Variants in TMEM183A observed in about 807,000 individuals in gnomAD.
TMEM183A encodes transmembrane protein 183A.
In TMEM183A, 21 loss-of-function variants were observed where a neutral mutation model predicts 46.7. The ratio of observed to expected loss-of-function variants is 0.45; its 90% CI spans 0.32 to 0.65. The LOEUF (loss-of-function observed/expected upper bound fraction) is 0.65, where lower values mean the gene tolerates loss of function less well. Ranked by LOEUF, TMEM183A falls within the 30% of genes least tolerant of loss-of-function variation. The probability of loss-of-function intolerance (pLI) is 0.04; values close to 1 mark genes in which losing one functional copy is unlikely to be tolerated. For synonymous variants in TMEM183A, 165 were observed against 180.2 expected, an observed-to-expected ratio of 0.92 and a Z score of 0.68; for missense variants, 331 against 481.9, an observed-to-expected ratio of 0.69 and a Z score of 2.93.
At position 203,014,749 on chromosome 1, in the gene TMEM183A, A is replaced by G. The variant is rs527740297; in HGVS notation, c.368-140A>G. 3.0e-4 allele frequency: 383 copies of G among 1,267,524 alleles called. 12 individuals carry two copies. The South Asian group carries it at 5.9e-3, about 19-fold the overall frequency. 78.5% of individuals were successfully genotyped at this position (1,267,524 alleles called of 1,614,324 possible). Reference sequence around the variant, plus strand: ...TTCCAGCAGCTAGGATGAGCAGGAAATGATAAGTTTGAGGGGTTTCCTTGG... The same window carrying G: ...TTCCAGCAGCTAGGATGAGCAGGAAGTGATAAGTTTGAGGGGTTTCCTTGG... On this transcript the variant is annotated intron_variant, in intron 3 of 7. Coordinates refer to ENST00000367242, the MANE Select transcript of TMEM183A (RefSeq NM_138391.6).
chr1:203,023,231 T>C lies in TMEM183A; in HGVS notation c.*191T>C. 5 of 588,720 alleles carry C rather than the reference T, an allele frequency of 8.5e-6. No homozygotes were observed. Among genetic ancestry groups the C allele is most frequent in the Non-Finnish European group, 1.3e-5 (5 of 379,036 alleles). The allele number at this position is 588,720 out of a possible 1,614,324, so 36.5% of individuals were successfully genotyped here. ...ACAACTACTATGATTTATAAACATA[T>C]TTTAATGTAAAAATTTGCATTTAAA... On this transcript the variant is annotated 3_prime_UTR_variant, in exon 8 of 8. Transcript: ENST00000367242.
intron 4 of TMEM183A, 164 bp from the exon 5 acceptor site, chr1:203,015,796 A>C (rs952147351): frequency 3.7e-6 from 3 of 803,576 alleles, no homozygotes; most frequent in Middle Eastern, 2.4e-4. Context: ...TACAAGGCAA[A>C]GACGTAAAAG....
rs1419271733 is a variant in TMEM183A at position 203,024,553 on chromosome 1, C to CA, written c.*1514dup. On this transcript the variant is annotated 3_prime_UTR_variant, in exon 8 of 8. Coordinates refer to ENST00000367242, the MANE Select transcript of TMEM183A (RefSeq NM_138391.6). Reference sequence around the variant, plus strand: ...AGCATCTGCTTAATTTTGCTGCTAACAGCTAACCTTATCCCACGTTGAGGG... The same window carrying CA: ...AGCATCTGCTTAATTTTGCTGCTAACAAGCTAACCTTATCCCACGTTGAGGG... The CA allele has an allele frequency of 6.7e-6, 1 of 150,232 alleles. No homozygotes were observed. The highest frequency in any genetic ancestry group is 1.5e-5 in the Non-Finnish European group (1 of 67,770). The allele number at this position is 150,232 out of a possible 1,614,324, so 9.3% of individuals were successfully genotyped here. A position where few individuals can be genotyped will look rare whatever the true frequency, so the allele number is the denominator to read the frequency against.
At position 203,024,747 on chromosome 1, in the gene TMEM183A, C is replaced by T. The variant is rs1158680595; in HGVS notation, c.*1707C>T. The T allele has an allele frequency of 6.6e-6, 1 of 152,178 alleles. No individual in the cohort carries two copies. Among genetic ancestry groups the T allele is most frequent in the African/African-American group, 2.4e-5 (1 of 41,428 alleles). The allele number at this position is 152,178 out of a possible 1,614,324, so 9.4% of individuals were successfully genotyped here. ...AGAAGCACAGTCCCTGCCAGGTTGC[C>T]TGAACTAAAGATGCCATGGAGCAGG... is the stretch of plus-strand genomic sequence containing the variant. On this transcript the variant is annotated 3_prime_UTR_variant, in exon 8 of 8. Coordinates refer to ENST00000367242, the MANE Select transcript of TMEM183A (RefSeq NM_138391.6).
intron 5 of TMEM183A, chr1:203,017,834 T>A (rs1657312330): frequency 1.0e-6 from 1 of 985,758 alleles, no homozygotes; most frequent in African/African-American, 1.7e-5. Context: ...GCCCATTAAT[T>A]TTGATGGAAC....
chr1:203,018,677 A>G, intron 6 of TMEM183A, 116 bp downstream of exon 6: 1 of 1,183,380 alleles, frequency 8.5e-7, no homozygotes, highest in Non-Finnish European at 1.2e-6. Context: ...GGGTAACTTA[A>G]AAAGAACGAA....
intron 3 of TMEM183A, 46 bp from the exon 4 acceptor site, chr1:203,014,843 T>C (rs761626259): frequency 1.4e-5 from 23 of 1,603,614 alleles, no homozygotes; most frequent in Non-Finnish European, 1.8e-5. Context: ...CGAGTATCTT[T>C]AGATATGGTG....
Position 203,007,795 on chromosome 1 carries a change from A to G in TMEM183A, c.131A>G (p.Asn44Ser), listed in dbSNP as rs1656108718. ...GCAGTGACCGTGGCGGATTACGCCA[A>G]CTCGGATCCGGCGGTCGTGAGGTCT... is the stretch of plus-strand genomic sequence containing the variant. Reference protein sequence around the residue: ...SGRVTVADYANSDPAVVRSGR... With the variant: ...SGRVTVADYASSDPAVVRSGR... The change falls in exon 2 of 8, where the codon AAC becomes AGC. Residue 44 changes from asparagine to serine, a missense_variant. By Grantham distance (46) the Asn-to-Ser change is conservative. This residue lies in a region of TMEM183A where 98 missense variants were observed against 96.1 expected (regional missense o/e 1.02). Coordinates refer to ENST00000367242, the MANE Select transcript of TMEM183A (RefSeq NM_138391.6). 1.2e-6 allele frequency: 2 copies of G among 1,613,750 alleles called. No individual in the cohort carries two copies. Among genetic ancestry groups the G allele is most frequent in the Non-Finnish European group, 1.7e-6 (2 of 1,179,856 alleles).
At position 203,013,122 on chromosome 1, in the gene TMEM183A, G is replaced by T. The variant is rs898629378; in HGVS notation, c.368-1767G>T. Among the ~76,000 whole-genome samples, 2 of 152,216 alleles carry T rather than the reference G, an allele frequency of 1.3e-5. No individual in the cohort carries two copies. Among genetic ancestry groups the T allele is most frequent in the African/African-American group, 4.8e-5 (2 of 41,446 alleles). On this transcript the variant is annotated intron_variant, in intron 3 of 7. Transcript: ENST00000367242. The surrounding 1 kb of genome is among the most constrained non-coding windows in gnomAD (Gnocchi z 4.0). The stretch of plus-strand genomic sequence containing the variant: ...AGACATGGTAGACTGTGTCTTGCAT[G>T]ATTACTGGAGATTATAAGAAGGATA...
rs531669720 is a variant in TMEM183A, at chr1:203,021,077, G to A, written c.945+129G>A. 2.8e-6 allele frequency: 3 copies of A among 1,074,234 alleles called. No homozygotes were observed. The African/African-American group carries it at 5.1e-5, about 18-fold the overall frequency. 66.5% of individuals were successfully genotyped at this position (1,074,234 alleles called of 1,614,324 possible). On this transcript the variant is annotated intron_variant, in intron 7 of 7. Transcript: ENST00000367242. The stretch of plus-strand genomic sequence containing the variant: ...GACGTGGTCTCACTCTGTCACTCAG[G>A]CTGAAGTGCAGTGATGGAATCATCA...
chr1:203,016,075 G>T lies in TMEM183A; in HGVS notation c.643G>T (p.Ala215Ser). ...TCTGTACCATATGTATGAGCCATTT[G>T]CTGCTCGAATCTCCAAGAATCCAGC... ...RSLYHMYEPF[A>S]ARISKNPAIP... Residue 215 changes from alanine to serine, a missense_variant, in exon 5 of 8, where the codon GCT (alanine) becomes TCT (serine). Around this residue, in one of 2 missense-constraint regions of TMEM183A, gnomAD observed 233 missense variants for 385.8 expected, o/e 0.60. Coordinates refer to ENST00000367242, the MANE Select transcript of TMEM183A (RefSeq NM_138391.6). The T allele has an allele frequency of 6.2e-7, 1 of 1,614,198 alleles. No homozygotes were observed. Among genetic ancestry groups the T allele is most frequent in the Non-Finnish European group, 8.5e-7 (1 of 1,180,034 alleles).
Position 203,007,583 on chromosome 1 carries a change from G to T in TMEM183A, c.109+9G>T, listed in dbSNP as rs746215832. 5.8e-6 allele frequency: 9 copies of T among 1,541,384 alleles called. No individual in the cohort carries two copies. The highest frequency in any genetic ancestry group is 7.0e-6 in the Non-Finnish European group (8 of 1,148,152). On this transcript the variant is annotated intron_variant, in intron 1 of 7. Transcript: ENST00000367242. ...CGCCTGCTCCGGCCGAGGTGGGCGA[G>T]GGGGGCAGGGGCGCTGAAACATTTT...
At position 203,013,570 on chromosome 1, in the gene TMEM183A, G is replaced by T. The variant is rs1656876874; in HGVS notation, c.368-1319G>T. Among the ~76,000 whole-genome samples, 1 of 151,768 alleles carries T rather than the reference G, an allele frequency of 6.6e-6. No individual in the cohort carries two copies. ...TCTGTCGCCCAGGCTGGAGTGCAGT[G>T]GCGCTATCTCGGCTCACTGCAAGCT... On this transcript the variant is annotated intron_variant, in intron 3 of 7. Transcript: ENST00000367242. The surrounding 1 kb of genome is among the most constrained non-coding windows in gnomAD (Gnocchi z 4.0).
chr1:203,018,630 A>C, intron 6 of TMEM183A, 69 bp downstream of exon 6: 1 of 1,542,618 alleles, frequency 6.5e-7, no homozygotes, highest in Non-Finnish European at 8.9e-7. Context: ...TATCTTTCTT[A>C]GTCTGTTTGT....
intron 7 of TMEM183A, 124 bp downstream of exon 7, chr1:203,021,072 C>T: frequency 1.8e-6 from 2 of 1,120,766 alleles, no homozygotes; most frequent in Non-Finnish European, 2.4e-6. Flanking sequence ...CACTCTGTCA[C>T]TCAGGCTGAA....
At chr1:203,022,669 C>G (rs1260284855) in intron 7 of TMEM183A, among the ~76,000 whole-genome samples, 186 bp from the exon 8 acceptor site, 1 of 149,522 alleles carries the variant, frequency 6.7e-6, no homozygotes, top group Non-Finnish European at 1.5e-5. Context: ...CATCACTGCA[C>G]TACAGCCTGG....
chr1:203,012,457 T>G (rs370075791), intron 3 of TMEM183A, among the ~76,000 whole-genome samples: 193 of 152,358 alleles, frequency 1.3e-3, no homozygotes, highest in African/African-American at 4.5e-3. Flanking sequence ...CTGAGTCCCT[T>G]GGTTTCATGT....
chr1:203,008,775 C>G lies in TMEM183A; in HGVS notation c.332C>G (p.Thr111Ser), dbSNP rs1031440497. The G allele has an allele frequency of 1.2e-5, 19 of 1,608,544 alleles. No individual in the cohort carries two copies. The highest frequency in any genetic ancestry group is 1.6e-5 in the Non-Finnish European group (19 of 1,177,584). The change falls in exon 3 of 8, where the codon ACT becomes AGT. Residue 111 changes from threonine (T) to serine (S), a missense_variant. Around this residue, in one of 2 missense-constraint regions of TMEM183A, gnomAD observed 233 missense variants for 385.8 expected, o/e 0.60. Coordinates refer to ENST00000367242, the MANE Select transcript of TMEM183A (RefSeq NM_138391.6). ...CAGGAGGAAAGCATCCATGAGAGAACTGTCTCCAGAAAAAAGAAAAGCAAG... is the reference window on the plus strand; with the variant it reads ...CAGGAGGAAAGCATCCATGAGAGAAGTGTCTCCAGAAAAAAGAAAAGCAAG... ...DAQEESIHER[T>S]VSRKKKSKRH...
intron 3 of TMEM183A, among the ~76,000 whole-genome samples, chr1:203,012,235 T>TCTCACACACACACACACACACACA (rs370305350): frequency 1.1e-4 from 9 of 80,836 alleles, no homozygotes; most frequent in South Asian, 9.9e-4. Context: ...CCCCACTCCA[T>TCTCACACACACACACACACACACA]CACACACACA....
Sources: gnomAD v4.1 joint callset for allele counts (sites outside exome capture counted in the v4.1 genomes callset) on GRCh38, gnomAD v4.1.1 for gene constraint, gnomAD v4.1.1 regional missense constraint, Gnocchi (gnomAD v3.1) non-coding constraint, MANE v1.5 for transcripts, NCBI Gene and HGNC (gene_info 2026-07-23, HGNC 2026-07-21) for gene names.